Variants in TMEM131 observed in about 807,000 individuals in gnomAD.
TMEM131 encodes the protein 2610524E03Rik.
In TMEM131, 66 loss-of-function variants were observed where a neutral mutation model predicts 211.6. The observed-to-expected ratio is 0.31, with a 90% confidence interval of 0.26 to 0.38. TMEM131 has a LOEUF of 0.38. TMEM131 is among the 10% of genes least tolerant of loss of function. TMEM131 has a pLI of 1.00. For synonymous variants in TMEM131, 844 were observed against 841.3 expected, an observed-to-expected ratio of 1.00 and a Z score of -0.06; for missense variants, 2,036 against 2,299.3, an observed-to-expected ratio of 0.89 and a Z score of 2.34.
At chr2:97,950,256 G>A (rs1016453662) in intron 1 of TMEM131, among the ~76,000 whole-genome samples, 1 of 152,108 alleles carries the variant, frequency 6.6e-6, no homozygotes, top group African/African-American at 2.4e-5. Context: ...CTACATTTTC[G>A]TCTGTATGAT....
chr2:97,865,604 T>C (rs1294219092), intron 4 of TMEM131, among the ~76,000 whole-genome samples: 2 of 152,230 alleles, frequency 1.3e-5, no homozygotes, highest in Admixed American at 6.5e-5. Context: ...TAAATGTCAC[T>C]TGGTCATGGT....
intron 31 of TMEM131, among the ~76,000 whole-genome samples, chr2:97,791,395 G>T (rs1203049189): frequency 1.3e-5 from 2 of 152,208 alleles, no homozygotes; most frequent in Non-Finnish European, 2.9e-5. Context: ...CTTCCGTCCT[G>T]CTTCCTCCTT....
At chr2:97,954,400 C>G (rs1255258414) in intron 1 of TMEM131, among the ~76,000 whole-genome samples, 5 of 152,186 alleles carry the variant, frequency 3.3e-5, no homozygotes, top group Non-Finnish European at 7.3e-5. Flanking sequence ...AATTTGACAA[C>G]TTTGAAAATA....
intron 7 of TMEM131, among the ~76,000 whole-genome samples, chr2:97,840,406 T>C (rs1400087293): frequency 5.9e-5 from 9 of 152,104 alleles, no homozygotes; most frequent in Non-Finnish European, 1.2e-4. Context: ...TACGGCACAG[T>C]GGGGCAACTC....
chr2:97,813,847 G>C (rs1204028271), intron 15 of TMEM131, 124 bp downstream of exon 15: 1 of 775,158 alleles, frequency 1.3e-6, no homozygotes, highest in Non-Finnish European at 1.9e-6. Context: ...CTGACTAGGA[G>C]AATTAGATCA....
chr2:97,948,216 T>C (rs1678135677), intron 1 of TMEM131, among the ~76,000 whole-genome samples: 1 of 152,112 alleles, frequency 6.6e-6, no homozygotes, highest in Non-Finnish European at 1.5e-5. Flanking sequence ...AAATTTTTTT[T>C]TTAGCTTTTA....
intron 4 of TMEM131, among the ~76,000 whole-genome samples, chr2:97,870,177 G>A (rs534282908): frequency 6.6e-6 from 1 of 152,256 alleles, no homozygotes; most frequent in African/African-American, 2.4e-5. Context: ...AAGGTCAATT[G>A]ATTTGGGGCC....
intron 1 of TMEM131, among the ~76,000 whole-genome samples, chr2:97,928,827 C>T (rs372269632): frequency 1.3e-5 from 2 of 151,512 alleles, no homozygotes; most frequent in Non-Finnish European, 1.5e-5. Context: ...AGAAACAAGG[C>T]GGGGGAGGCC....
chr2:97,893,950 C>T (rs978903887), intron 3 of TMEM131, among the ~76,000 whole-genome samples: 4 of 152,158 alleles, frequency 2.6e-5, no homozygotes, highest in Non-Finnish European at 5.9e-5. Context: ...GAAGTCTTTG[C>T]CCATGCCTAC....
intron 11 of TMEM131, among the ~76,000 whole-genome samples, chr2:97,830,506 T>C (rs1682626483): frequency 1.3e-5 from 2 of 152,238 alleles, no homozygotes; most frequent in Admixed American, 6.5e-5. Flanking sequence ...AAACTGCTTA[T>C]AAAAGCACTT....
At chr2:97,977,464 G>C (rs1179438434) in intron 1 of TMEM131, among the ~76,000 whole-genome samples, 1 of 152,152 alleles carries the variant, frequency 6.6e-6, no homozygotes, top group Admixed American at 6.5e-5. Flanking sequence ...TGAAATGCAG[G>C]AATGCCTCAG....
At chr2:97,983,350 C>A (rs1679883167) in intron 1 of TMEM131, among the ~76,000 whole-genome samples, 1 of 152,122 alleles carries the variant, frequency 6.6e-6, no homozygotes, top group South Asian at 2.1e-4. Flanking sequence ...ACATGTCCGA[C>A]CCCCTCTTCC....
At chr2:97,967,662 G>T (rs1679116448) in intron 1 of TMEM131, among the ~76,000 whole-genome samples, 1 of 152,184 alleles carries the variant, frequency 6.6e-6, no homozygotes, top group Non-Finnish European at 1.5e-5. Context: ...GAGAGAAGAT[G>T]AAGCTAAATA....
In TMEM131 at chr2:97,796,990, T is replaced by C. The variant is rs767119184; in HGVS notation, c.2871-4A>G. On this transcript the variant is annotated splice_polypyrimidine_tract_variant and splice_region_variant and intron_variant, in intron 26 of 40. Coordinates refer to ENST00000186436, the MANE Select transcript of TMEM131 (RefSeq NM_015348.2). ...ATCCATCACAGTCAGGTTATTTCTATGCAAGAATGAGAATTACAGATTTTT... is the reference window on the plus strand; with the variant it reads ...ATCCATCACAGTCAGGTTATTTCTACGCAAGAATGAGAATTACAGATTTTT... The C allele has an allele frequency of 1.9e-6, 3 of 1,604,394 alleles. No individual in the cohort carries two copies. The highest frequency in any genetic ancestry group is 8.5e-7 in the Non-Finnish European group (1 of 1,176,220).
chr2:97,960,314 A>C (rs1416623720), intron 1 of TMEM131, among the ~76,000 whole-genome samples: 2 of 152,214 alleles, frequency 1.3e-5, no homozygotes, highest in Non-Finnish European at 2.9e-5. Flanking sequence ...ATTTACTAGA[A>C]GGCATTCTTT....
In TMEM131 at chr2:97,766,181, G is replaced by GCTA; in HGVS notation, c.4653_4655dup (p.Ser1553dup). 6.2e-7 allele frequency: 1 copy of GCTA among 1,614,068 alleles called. No homozygotes were observed. The highest frequency in any genetic ancestry group is 8.5e-7 in the Non-Finnish European group (1 of 1,179,902). On this transcript the variant is annotated inframe_insertion, in exon 35 of 41. Coordinates refer to ENST00000186436, the MANE Select transcript of TMEM131 (RefSeq NM_015348.2). ...GAGGAGAGTCTTTTTCACCCTCTGA[G>GCTA]CTACTGGTGTTGCCTAATTCTTGAC...
In TMEM131 at chr2:97,889,603, TATATATA is replaced by T. The variant is rs200644802; in HGVS notation, c.291-1490_291-1484del. On this transcript the variant is annotated intron_variant, in intron 3 of 40. Coordinates refer to ENST00000186436, the MANE Select transcript of TMEM131 (RefSeq NM_015348.2). ...ATTCCTATAATGTAATATATATTCC[TATATATA>T]ATATATAATTCCTATATATTAATTC... Among the ~76,000 whole-genome samples, 278 of 149,030 alleles carry T rather than the reference TATATATA, an allele frequency of 1.9e-3. 7 individuals are homozygous for T. The East Asian group carries it at 0.038, about 20-fold the overall frequency.
chr2:97,827,003 C>T (rs537722947), intron 11 of TMEM131, among the ~76,000 whole-genome samples: 3 of 134,576 alleles, frequency 2.2e-5, no homozygotes, highest in Admixed American at 8.8e-5. Flanking sequence ...CAGGACAGGA[C>T]GATAGATGGT....
At chr2:97,760,936 G>C (rs751624245) in intron 36 of TMEM131, 22 bp from the exon 37 acceptor site, 1 of 1,613,562 alleles carries the variant, frequency 6.2e-7, no homozygotes, top group Non-Finnish European at 8.5e-7. Flanking sequence ...AGCAAAGAGA[G>C]AACTCATTCC....
Sources: gnomAD v4.1 joint callset for allele counts (sites outside exome capture counted in the v4.1 genomes callset) on GRCh38, gnomAD v4.1.1 for gene constraint, MANE v1.5 for transcripts, NCBI Gene and HGNC (gene_info 2026-07-23, HGNC 2026-07-21) for gene names.